The following CPED1 variants were observed in gnomAD, a reference collection of about 807,000 sequenced individuals.
CPED1 encodes the protein cadherin like and PC-esterase domain containing 1.
CPED1 carries 114 observed loss-of-function variants against 128.2 expected under a neutral mutation model. That is an observed-to-expected ratio of 0.89 (90% CI 0.76 to 1.04). CPED1 has a LOEUF of 1.04. CPED1 is among the 50% of genes least tolerant of loss of function. The probability of loss-of-function intolerance (pLI) is 0.00; values close to 1 mark genes in which losing one functional copy is unlikely to be tolerated. For synonymous variants in CPED1, 462 were observed against 426.7 expected (o/e 1.08, Z -1.02); for missense variants, 1,211 against 1,207.1 (o/e 1.00, Z -0.05).
chr7:121,127,245 A>G lies in CPED1; in HGVS notation c.1290A>G (p.Ser430=), dbSNP rs1431917143. The G allele has an allele frequency of 1.3e-6, 2 of 1,575,604 alleles. No homozygotes were observed. The highest frequency in any genetic ancestry group is 2.3e-5 in the South Asian group (2 of 88,680). ...AGATATTTCAGAGACTTTATAGATC[A>G]GATGTTTTCAAGGTAAGTGCATATT... The part of the protein sequence containing the change: ...FSEIFQRLYR[S]DVFKGENYQK... Residue 430 remains serine, a synonymous_variant, in exon 10 of 23, where the codon TCA becomes TCG. Transcript: ENST00000310396.
chr7:121,248,765 T>A lies in CPED1; in HGVS notation c.2310+4427T>A, dbSNP rs192211913. Among the ~76,000 whole-genome samples the A allele has an allele frequency of 4.0e-4, 61 of 152,216 alleles. No homozygotes were observed. In the East Asian group the frequency reaches 0.011, roughly 27 times the overall value. On this transcript the variant is annotated intron_variant, in intron 18 of 22. Coordinates refer to ENST00000310396, the MANE Select transcript of CPED1 (RefSeq NM_024913.5). Reference sequence around the variant, plus strand: ...GAATCAGCCTAAGAATTCTGGCAATTTAAAAACTAGAGTGTTCTCTTACCT... The same window carrying A: ...GAATCAGCCTAAGAATTCTGGCAATATAAAAACTAGAGTGTTCTCTTACCT...
chr7:121,204,942 C>G (rs981094304), intron 16 of CPED1, among the ~76,000 whole-genome samples: 3 of 152,170 alleles, frequency 2.0e-5, no homozygotes, highest in Middle Eastern at 3.4e-3. Flanking sequence ...CCTGATGATT[C>G]AAATGGGTGC....
intron 3 of CPED1, among the ~76,000 whole-genome samples, chr7:121,032,903 T>C (rs771382340): frequency 5.3e-5 from 8 of 152,162 alleles, no homozygotes; most frequent in Non-Finnish European, 1.0e-4. Flanking sequence ...AGGAAAATTG[T>C]GAAGTGGATG....
intron 11 of CPED1, 78 bp from the exon 12 acceptor site, chr7:121,130,047 C>CT (rs1795623252): frequency 1.8e-6 from 2 of 1,092,930 alleles, no homozygotes; most frequent in African/African-American, 3.3e-5. Context: ...AAATAAATGA[C>CT]TAAGTATAAG....
chr7:121,070,084 A>G (rs1249578171), intron 5 of CPED1, among the ~76,000 whole-genome samples: 1 of 151,814 alleles, frequency 6.6e-6, no homozygotes, highest in African/African-American at 2.4e-5. Context: ...AATAATAGGT[A>G]AAAACACCTT....
intron 4 of CPED1, chr7:121,050,958 G>T: frequency 2.0e-6 from 1 of 503,926 alleles, no homozygotes; most frequent in South Asian, 1.5e-5. Flanking sequence ...AGCCCAAGAG[G>T]AGATTGGCGC....
At chr7:121,149,911 C>T (rs113493483) in intron 16 of CPED1, among the ~76,000 whole-genome samples, 5 of 152,230 alleles carry the variant, frequency 3.3e-5, no homozygotes, top group African/African-American at 1.2e-4. Flanking sequence ...GCTTTAATTG[C>T]TCCAAAATTT....
Position 121,166,126 on chromosome 7 carries a change from C to CA in CPED1, c.2055+23994dup, listed in dbSNP as rs138939453. ...CAAGGGCCTGAGTGCATGGCAAAAA[C>CA]AAAAAAAAACAAAAAAAAAACATTT... On this transcript the variant is annotated intron_variant, in intron 16 of 22. Coordinates refer to ENST00000310396, the MANE Select transcript of CPED1 (RefSeq NM_024913.5). Among the ~76,000 whole-genome samples the CA allele has an allele frequency of 2.7e-3, 315 of 116,254 alleles. 2 individuals carry two copies. Among genetic ancestry groups the CA allele is most frequent in the African/African-American group, 5.2e-3 (188 of 36,500 alleles). The allele number at this position is 116,254 out of a possible 152,430, so 76.3% of individuals were successfully genotyped here. A position where few individuals can be genotyped will look rare whatever the true frequency, so the allele number is the denominator to read the frequency against.
Position 121,036,111 on chromosome 7 carries a change from G to A in CPED1, c.434-10776G>A, listed in dbSNP as rs1585031403. ...GGTAAAGGAAAGGTAGGGATTTGAGGGGCTGCATGCATTAAAAAAATTTAT... is the reference window on the plus strand; with the variant it reads ...GGTAAAGGAAAGGTAGGGATTTGAGAGGCTGCATGCATTAAAAAAATTTAT... On this transcript the variant is annotated intron_variant, in intron 3 of 22. Transcript: ENST00000310396. 2.0e-5 allele frequency among the ~76,000 whole-genome samples: 3 copies of A among 152,008 alleles called. No individual in the cohort carries two copies. The East Asian group carries it at 5.8e-4, about 29-fold the overall frequency.
chr7:121,047,306 T>C (rs1793225359), intron 4 of CPED1, among the ~76,000 whole-genome samples: 1 of 152,210 alleles, frequency 6.6e-6, no homozygotes, highest in Non-Finnish European at 1.5e-5. Context: ...AAAGTCTTTA[T>C]TTTTTAGATG....
At chr7:121,072,879 G>A (rs1269390579) in intron 5 of CPED1, among the ~76,000 whole-genome samples, 3 of 152,148 alleles carry the variant, frequency 2.0e-5, no homozygotes, top group Non-Finnish European at 4.4e-5. Context: ...TGACTCAAGA[G>A]TATCTTCAGA....
chr7:121,208,643 C>G (rs1797574143), intron 16 of CPED1, among the ~76,000 whole-genome samples: 1 of 151,938 alleles, frequency 6.6e-6, no homozygotes, highest in South Asian at 2.1e-4. Context: ...CACACTTAAC[C>G]ACTGTGCTAC....
chr7:121,142,705 T>C (rs1162296770), intron 16 of CPED1, among the ~76,000 whole-genome samples: 1 of 152,072 alleles, frequency 6.6e-6, no homozygotes, highest in Non-Finnish European at 1.5e-5. Context: ...TGGAGAAGGA[T>C]GAATGTTACC....
chr7:121,129,287 GTA>G (rs374141620), intron 11 of CPED1, among the ~76,000 whole-genome samples: 753 of 51,988 alleles, frequency 0.014, 12 homozygotes, highest in African/African-American at 0.04. Flanking sequence ...GTGTATATAT[GTA>G]TATATATATA....
intron 7 of CPED1, among the ~76,000 whole-genome samples, chr7:121,117,108 T>TATATAAAA (rs1795268076): frequency 7.4e-6 from 1 of 134,736 alleles, no homozygotes; most frequent in African/African-American, 2.6e-5. Flanking sequence ...TAAATATATA[T>TATATAAAA]ATATATGTTT....
rs147182424 is a variant in CPED1, at chr7:121,275,303, G to A, written c.2868+3873G>A. 9.6e-4 allele frequency among the ~76,000 whole-genome samples: 146 copies of A among 152,150 alleles called. 1 individual carries two copies. Among genetic ancestry groups the A allele is most frequent in the African/African-American group, 3.4e-3 (140 of 41,524 alleles). On this transcript the variant is annotated intron_variant, in intron 22 of 22. Coordinates refer to ENST00000310396, the MANE Select transcript of CPED1 (RefSeq NM_024913.5). ...ATCTGTAAACAATTTCCCAACTGGT[G>A]TGCATCAATTTTGACTAACATGTTC...
At chr7:121,227,055 G>T (rs546821590) in intron 16 of CPED1, among the ~76,000 whole-genome samples, 10 of 152,124 alleles carry the variant, frequency 6.6e-5, no homozygotes, top group African/African-American at 2.4e-4. Context: ...TAGATCATAT[G>T]GGAATTATTT....
intron 2 of CPED1, among the ~76,000 whole-genome samples, chr7:120,992,775 C>G (rs1199010960): frequency 6.6e-6 from 1 of 152,122 alleles, no homozygotes; most frequent in Non-Finnish European, 1.5e-5. Flanking sequence ...TATTTCCCAG[C>G]CTTTTTTGTT....
intron 5 of CPED1, among the ~76,000 whole-genome samples, chr7:121,077,614 G>A (rs1054015473): frequency 1.3e-5 from 2 of 151,372 alleles, no homozygotes; most frequent in Non-Finnish European, 2.9e-5. Flanking sequence ...CCATATTGTT[G>A]AGTTAAAAAT....
Sources: gnomAD v4.1 joint callset for allele counts (sites outside exome capture counted in the v4.1 genomes callset) on GRCh38, gnomAD v4.1.1 for gene constraint, MANE v1.5 for transcripts, NCBI Gene and HGNC (gene_info 2026-07-23, HGNC 2026-07-21) for gene names.